TMEM9: variants seen among roughly 807,000 people sequenced by gnomAD.
TMEM9 encodes the protein proton-transporting V-type ATPase complex assembly regulator TMEM9.
A neutral mutation model predicts 22.8 loss-of-function variants in TMEM9; 13 were observed. That is an observed-to-expected ratio of 0.57 (90% confidence interval 0.37 to 0.91). TMEM9 has a LOEUF of 0.91. TMEM9 is among the 40% of genes least tolerant of loss of function. TMEM9 has a pLI of 0.01. For missense variants in TMEM9, 182 were observed against 238.1 expected (o/e 0.76, Z 1.55); for synonymous variants, 88 against 93.0 (o/e 0.95, Z 0.31).
intron 4 of TMEM9, among the ~76,000 whole-genome samples, chr1:201,140,304 G>T (rs1664407881): frequency 6.6e-6 from 1 of 152,226 alleles, no homozygotes; most frequent in Admixed American, 6.5e-5. Context: ...GAGAAACCAT[G>T]TGTCTCTCTT....
chr1:201,148,695 T>C (rs892937953), intron 2 of TMEM9, among the ~76,000 whole-genome samples: 3 of 152,190 alleles, frequency 2.0e-5, no homozygotes, highest in Non-Finnish European at 4.4e-5. Context: ...ATAAAGACCA[T>C]GTGTTGGATT....
chr1:201,154,022 GC>G lies in TMEM9; in HGVS notation c.-100del. ...GGCCACACCGCAGCCAGCACGCTAG[GC>G]CCTTAACCATCCGGCCAAGTGGGAA... is the stretch of plus-strand genomic sequence containing the variant. On this transcript the variant is annotated 5_prime_UTR_variant, in exon 1 of 5. The change creates a premature stop within an existing upstream ORF in the 5' untranslated region. Coordinates refer to ENST00000367330, the MANE Select transcript of TMEM9 (RefSeq NM_001288565.2). 1 of 1,403,690 alleles carries G rather than the reference GC, an allele frequency of 7.1e-7. No individual in the cohort carries two copies. Among genetic ancestry groups the G allele is most frequent in the Non-Finnish European group, 9.6e-7 (1 of 1,044,718 alleles). The allele number at this position is 1,403,690 out of a possible 1,614,324, so 87.0% of individuals were successfully genotyped here. A position where few individuals can be genotyped will look rare whatever the true frequency, so the allele number is the denominator to read the frequency against.
intron 1 of TMEM9, among the ~76,000 whole-genome samples, chr1:201,161,722 CTT>C (rs1372332450): frequency 6.6e-6 from 1 of 152,160 alleles, no homozygotes. Context: ...ACCACAAACT[CTT>C]TTTCGAAGAG....
intron 1 of TMEM9, among the ~76,000 whole-genome samples, chr1:201,165,852 A>G (rs1032228390): frequency 3.9e-5 from 6 of 152,224 alleles, no homozygotes; most frequent in African/African-American, 9.6e-5. Flanking sequence ...TTATGCATGG[A>G]GTCCTAATTA....
intron 2 of TMEM9, 26 bp downstream of exon 2, chr1:201,151,735 C>A (rs2102274665): frequency 6.4e-7 from 1 of 1,573,440 alleles, no homozygotes. Context: ...GGTATAGCAG[C>A]CAGGGGCCTG....
At chr1:201,136,826 CT>C (rs1047230878) in intron 4 of TMEM9, among the ~76,000 whole-genome samples, 8 of 152,178 alleles carry the variant, frequency 5.3e-5, no homozygotes, top group Admixed American at 4.6e-4. Flanking sequence ...TGCCACACAT[CT>C]CTTAAGGGAT....
At chr1:201,156,421 C>G (rs16847903), upstream of TMEM9, among the ~76,000 whole-genome samples, 1 of 152,108 alleles carries the variant, frequency 6.6e-6, no homozygotes, top group Non-Finnish European at 1.5e-5. Flanking sequence ...GCTCATTGCT[C>G]AATCCCTGGT....
chr1:201,153,774 G>A, intron 1 of TMEM9, 84 bp downstream of exon 1: 1 of 1,594,100 alleles, frequency 6.3e-7, no homozygotes, highest in East Asian at 2.3e-5. Context: ...TTAAGGAGCA[G>A]CTGGCTACCT....
In TMEM9 at chr1:201,151,519, C is replaced by T. The variant is rs61552792; in HGVS notation, c.158+242G>A. On this transcript the variant is annotated intron_variant, in intron 2 of 4. Coordinates refer to ENST00000367330, the MANE Select transcript of TMEM9 (RefSeq NM_001288565.2). ...CATCACTAAAGACCAATATTCAAAGCAAAACAACAAAATCCACTCCTCTAG... is the reference window on the plus strand; with the variant it reads ...CATCACTAAAGACCAATATTCAAAGTAAAACAACAAAATCCACTCCTCTAG... 9.4e-3 allele frequency among the ~76,000 whole-genome samples: 1,430 copies of T among 152,300 alleles called. 20 individuals carry two copies. Among genetic ancestry groups the T allele is most frequent in the African/African-American group, 0.033 (1,374 of 41,560 alleles).
intron 1 of TMEM9, among the ~76,000 whole-genome samples, chr1:201,170,709 A>G (rs1399255355): frequency 6.6e-6 from 1 of 152,138 alleles, no homozygotes; most frequent in Non-Finnish European, 1.5e-5. Flanking sequence ...GGGTAAACGC[A>G]AAGGGCAAGT....
chr1:201,165,927 T>C (rs1055895711), intron 1 of TMEM9, among the ~76,000 whole-genome samples: 8 of 152,188 alleles, frequency 5.3e-5, no homozygotes, highest in Non-Finnish European at 8.8e-5. Flanking sequence ...ACGCTGTAAG[T>C]CTGCCTTTCT....
chr1:201,153,530 T>C (rs540526917), intron 1 of TMEM9, among the ~76,000 whole-genome samples: 2 of 152,186 alleles, frequency 1.3e-5, no homozygotes, highest in Admixed American at 1.3e-4. Context: ...CAAAAATATC[T>C]GAAACAAAAC....
At chr1:201,136,571 G>C (rs1413267737) in intron 4 of TMEM9, among the ~76,000 whole-genome samples, 1 of 152,056 alleles carries the variant, frequency 6.6e-6, no homozygotes, top group East Asian at 1.9e-4. Context: ...TCCCTCCTTT[G>C]ATAGCTGAGG....
rs71635533 is a variant in TMEM9, at chr1:201,149,890, T to C, written c.158+1871A>G. Among the ~76,000 whole-genome samples the C allele has an allele frequency of 4.2e-3, 639 of 152,340 alleles. 3 individuals are homozygous for C. The highest frequency in any genetic ancestry group is 6.4e-3 in the Non-Finnish European group (434 of 68,024). Reference sequence around the variant, plus strand: ...AGTCAAGGTCAGTGTCACTGGGTCCTAGAATCCTGGAGTCTTTCCTCCAGC... The same window carrying C: ...AGTCAAGGTCAGTGTCACTGGGTCCCAGAATCCTGGAGTCTTTCCTCCAGC... On this transcript the variant is annotated intron_variant, in intron 2 of 4. Coordinates refer to ENST00000367330, the MANE Select transcript of TMEM9 (RefSeq NM_001288565.2).
intron 1 of TMEM9, among the ~76,000 whole-genome samples, chr1:201,170,321 A>G (rs988917654): frequency 6.6e-6 from 1 of 152,222 alleles, no homozygotes; most frequent in African/African-American, 2.4e-5. Context: ...AAAAGCTATT[A>G]CTAGAACAAG....
At chr1:201,141,172 A>G (rs868268720) in intron 4 of TMEM9, among the ~76,000 whole-genome samples, 2 of 152,300 alleles carry the variant, frequency 1.3e-5, no homozygotes, top group Middle Eastern at 3.4e-3. Flanking sequence ...GGGGCCTCCC[A>G]AGGCACCTGA....
chr1:201,159,575 C>CTTT (rs35944174), intron 1 of TMEM9, among the ~76,000 whole-genome samples: 3 of 133,728 alleles, frequency 2.2e-5, no homozygotes, highest in African/African-American at 8.4e-5. Context: ...GCAATTAAAC[C>CTTT]TTTTTTTTTT....
At chr1:201,139,375 G>A (rs17421734) in intron 4 of TMEM9, among the ~76,000 whole-genome samples, 16,483 of 152,222 alleles carry the variant, frequency 0.11, 958 homozygotes, top group South Asian at 0.14. Context: ...TTTGACCCAA[G>A]TCCTTGCTGC....
chr1:201,151,655 C>T, intron 2 of TMEM9, 106 bp downstream of exon 2: 1 of 797,498 alleles, frequency 1.3e-6, no homozygotes, highest in East Asian at 2.5e-5. Flanking sequence ...AAAGGCTCTC[C>T]ATAGGAATGG....
Sources: allele counts gnomAD v4.1 joint callset (sites outside exome capture counted in the v4.1 genomes callset), GRCh38; gene constraint gnomAD v4.1.1; transcripts MANE v1.5; gene names NCBI Gene and HGNC (gene_info 2026-07-23, HGNC 2026-07-21).